P4HA3: variants seen among roughly 807,000 people sequenced by gnomAD.
The protein encoded by P4HA3 is prolyl 4-hydroxylase subunit alpha 3.
P4HA3 carries 60 observed loss-of-function variants against 66.7 expected under a neutral mutation model. The ratio of observed to expected loss-of-function variants is 0.90; its 90% CI spans 0.73 to 1.12. P4HA3 has a LOEUF of 1.12. P4HA3 is among the 50% of genes most tolerant of loss of function. P4HA3 has a pLI of 0.00. For missense variants in P4HA3, 683 were observed against 685.8 expected (o/e 1.00, Z 0.05); for synonymous variants, 263 against 274.6 (o/e 0.96, Z 0.42).
chr11:74,271,654 A>G (rs1451266202), intron 10 of P4HA3, among the ~76,000 whole-genome samples: 1 of 151,968 alleles, frequency 6.6e-6, no homozygotes, highest in Non-Finnish European at 1.5e-5. Flanking sequence ...ACACCACCGC[A>G]CCCAGATTGG....
intron 5 of P4HA3, among the ~76,000 whole-genome samples, chr11:74,287,538 T>C (rs533228052): frequency 5.0e-4 from 76 of 152,236 alleles, no homozygotes; most frequent in Non-Finnish European, 3.7e-4. Flanking sequence ...ATTATAATTT[T>C]GTTTGTACCA....
At chr11:74,253,740 T>C (rs1468471631) in intron 15 of P4HA3, 2 of 604,148 alleles carry the variant, frequency 3.3e-6, no homozygotes, top group East Asian at 2.8e-5. Context: ...CCCCTGCTCC[T>C]TTCCCTTCCC....
At chr11:74,252,664 C>T (rs977373423) in intron 15 of P4HA3, 3 of 391,284 alleles carry the variant, frequency 7.7e-6, no homozygotes, top group African/African-American at 6.2e-5. Flanking sequence ...TGGCTTTTAC[C>T]CACCTGATAA....
At chr11:74,262,955 G>C (rs549356543), downstream of P4HA3, among the ~76,000 whole-genome samples, 2 of 152,340 alleles carry the variant, frequency 1.3e-5, no homozygotes, top group South Asian at 4.1e-4. Context: ...GTGTGTGAAA[G>C]AGGGACAAGC....
chr11:74,270,377 C>T (rs1372403893), intron 10 of P4HA3, among the ~76,000 whole-genome samples: 1 of 152,194 alleles, frequency 6.6e-6, no homozygotes, highest in East Asian at 1.9e-4. Context: ...GGAGTTTCAT[C>T]ACTGGTCTGT....
At chr11:74,273,760 T>G (rs1191785512) in intron 9 of P4HA3, among the ~76,000 whole-genome samples, 153 bp from the exon 10 acceptor site, 2 of 137,442 alleles carry the variant, frequency 1.5e-5, no homozygotes, top group East Asian at 2.1e-4. Context: ...TGCCCGTCTT[T>G]GCTGGCAGGT....
chr11:74,304,450 C>G, intron 1 of P4HA3, 38 bp from the exon 2 acceptor site: 1 of 1,609,122 alleles, frequency 6.2e-7, no homozygotes, highest in African/African-American at 1.3e-5. Flanking sequence ...CCTCCTGATA[C>G]AACCACTACA....
intron 1 of P4HA3, among the ~76,000 whole-genome samples, chr11:74,304,807 A>G (rs1229640877): frequency 6.6e-6 from 1 of 152,166 alleles, no homozygotes; most frequent in Non-Finnish European, 1.5e-5. Context: ...CCACTGTGAT[A>G]TGTGCTATAT....
intron 15 of P4HA3, among the ~76,000 whole-genome samples, chr11:74,259,311 A>G (rs2135694768): frequency 6.6e-6 from 1 of 152,300 alleles, no homozygotes; most frequent in East Asian, 1.9e-4. Context: ...CCCAGGAGGC[A>G]AAGGTTGCAG....
In P4HA3 at chr11:74,302,599, A is replaced by C. The variant is rs762758955; in HGVS notation, c.344-7T>G. The stretch of plus-strand genomic sequence containing the variant: ...TCATAGCCATCCTTCAGAGCTGTAA[A>C]AGTAGTAAAAACATCAACCCAGCAT... On this transcript the variant is annotated splice_region_variant and splice_polypyrimidine_tract_variant and intron_variant, in intron 2 of 12. Coordinates refer to ENST00000331597, the MANE Select transcript of P4HA3 (RefSeq NM_182904.5). The C allele has an allele frequency of 2.5e-6, 4 of 1,606,834 alleles. No homozygotes were observed. In the South Asian group the frequency reaches 3.3e-5, roughly 13 times the overall value.
In P4HA3 at chr11:74,266,915, A is replaced by G. The variant is rs1034052029; in HGVS notation, c.*333T>C. ...CCCTGTGGTCAAGGTTCAAAGTGCC[A>G]AAAGACCCACTGATCGAACCTGAGA... On this transcript the variant is annotated 3_prime_UTR_variant, in exon 13 of 13. Transcript: ENST00000331597. The G allele has an allele frequency of 5.0e-6, 6 of 1,194,394 alleles. No individual in the cohort carries two copies. The allele number at this position is 1,194,394 out of a possible 1,614,324, so 74.0% of individuals were successfully genotyped here. A position where few individuals can be genotyped will look rare whatever the true frequency, so the allele number is the denominator to read the frequency against.
chr11:74,275,395 G>T (rs919772273), intron 9 of P4HA3, among the ~76,000 whole-genome samples: 9 of 152,168 alleles, frequency 5.9e-5, no homozygotes, highest in African/African-American at 2.2e-4. Context: ...TTTGCAGATA[G>T]ATATTAAATT....
intron 1 of P4HA3, among the ~76,000 whole-genome samples, chr11:74,306,093 C>G (rs1356414123): frequency 6.6e-6 from 1 of 151,968 alleles, no homozygotes; most frequent in Admixed American, 6.6e-5. Context: ...ACTGCAAGCA[C>G]AAGACAAGGA....
chr11:74,294,004 A>C (rs1176504504), intron 4 of P4HA3, among the ~76,000 whole-genome samples: 2 of 152,096 alleles, frequency 1.3e-5, no homozygotes, highest in East Asian at 3.9e-4. Flanking sequence ...GCCTTGCTAG[A>C]TTGGGGAAGT....
At chr11:74,262,343 A>T (rs563190109), downstream of P4HA3, among the ~76,000 whole-genome samples, 162 of 152,274 alleles carry the variant, frequency 1.1e-3, no homozygotes, top group Non-Finnish European at 2.0e-3. Flanking sequence ...CAAGCACTTG[A>T]TAGGAGGGGT....
intron 1 of P4HA3, among the ~76,000 whole-genome samples, chr11:74,310,018 C>T (rs1429418005): frequency 1.3e-5 from 2 of 152,168 alleles, no homozygotes; most frequent in Non-Finnish European, 2.9e-5. Flanking sequence ...CATGTCACCC[C>T]AGAATCAGTA....
chr11:74,265,947 T>C (rs1026302870), downstream of P4HA3, among the ~76,000 whole-genome samples: 2 of 152,172 alleles, frequency 1.3e-5, no homozygotes, highest in African/African-American at 2.4e-5. Context: ...CTGATAAGTG[T>C]TATGAAGAAA....
intron 11 of P4HA3, among the ~76,000 whole-genome samples, chr11:74,268,474 C>T (rs776054439): frequency 5.9e-5 from 9 of 152,214 alleles, no homozygotes; most frequent in South Asian, 2.1e-4. Flanking sequence ...GGACAAATTA[C>T]GTCCAGTTCT....
intron 4 of P4HA3, among the ~76,000 whole-genome samples, chr11:74,291,961 A>T (rs1861044107): frequency 6.6e-6 from 1 of 152,218 alleles, no homozygotes; most frequent in African/African-American, 2.4e-5. Context: ...TGGCCTCATA[A>T]AATGAGTTAG....
Sources: allele counts gnomAD v4.1 joint callset (sites outside exome capture counted in the v4.1 genomes callset), GRCh38; gene constraint gnomAD v4.1.1; transcripts MANE v1.5; gene names NCBI Gene and HGNC (gene_info 2026-07-23, HGNC 2026-07-21).